ZNF536: variants seen among roughly 807,000 people sequenced by gnomAD.
ZNF536 encodes the protein zinc finger protein 536.
Under a neutral mutation model 84.5 loss-of-function variants are expected in ZNF536, and 13 were observed. The ratio of observed to expected loss-of-function variants is 0.15; its 90% confidence interval spans 0.10 to 0.24. The LOEUF is 0.24. Among genes scored for constraint, ZNF536 ranks in the 10% least tolerant of loss-of-function variants. ZNF536 has a pLI of 1.00. For missense variants in ZNF536, 1,536 were observed against 1,747.5 expected (o/e 0.88, Z 2.16); for synonymous variants, 811 against 742.5 (o/e 1.09, Z -1.50).
chr19:30,448,632 A>AT (rs1470906960), intron 2 of ZNF536, among the ~76,000 whole-genome samples: 3 of 152,134 alleles, frequency 2.0e-5, no homozygotes, highest in Admixed American at 2.0e-4. Flanking sequence ...CTGAGAAACT[A>AT]TTTTTTCAGA....
At chr19:30,407,015 G>A (rs1433919668) in intron 1 of ZNF536, among the ~76,000 whole-genome samples, 3 of 152,114 alleles carry the variant, frequency 2.0e-5, no homozygotes, top group Non-Finnish European at 4.4e-5. Flanking sequence ...TAATGAGGGG[G>A]GATTTTGCTT....
At chr19:30,635,153 G>A (rs2049023414) in intron 1 of ZNF536, among the ~76,000 whole-genome samples, 1 of 152,090 alleles carries the variant, frequency 6.6e-6, no homozygotes, top group Admixed American at 6.5e-5. Context: ...CATTCGGCTG[G>A]TGTCCTTGTC....
chr19:30,454,358 G>T lies in ZNF536; in HGVS notation c.2170+8626G>T, dbSNP rs974609182. 3.3e-5 allele frequency among the ~76,000 whole-genome samples: 5 copies of T among 152,250 alleles called. No individual in the cohort carries two copies. The East Asian group carries it at 9.7e-4, about 29-fold the overall frequency. ...TCCAGAAACTCTTAGCACAGTGGTG[G>T]TCATCGTGGCTTTTGGACACTCTCA... On this transcript the variant is annotated intron_variant, in intron 2 of 4. Transcript: ENST00000355537.
chr19:30,468,898 T>C (rs918393206), intron 2 of ZNF536, among the ~76,000 whole-genome samples: 18 of 151,960 alleles, frequency 1.2e-4, no homozygotes, highest in African/African-American at 4.1e-4. Flanking sequence ...GCTCATCCCA[T>C]TCCCACCTGA....
chr19:30,613,428 G>A (rs1247956946), intron 1 of ZNF536, among the ~76,000 whole-genome samples: 1 of 152,072 alleles, frequency 6.6e-6, no homozygotes, highest in African/African-American at 2.4e-5. Context: ...AAATTCTTCT[G>A]TAAAGAAAAG....
intron 1 of ZNF536, among the ~76,000 whole-genome samples, chr19:30,661,920 G>A (rs1487601805): frequency 6.6e-6 from 1 of 151,540 alleles, no homozygotes; most frequent in African/African-American, 2.4e-5. Flanking sequence ...TTTTTTTCTA[G>A]ATATGGAGAT....
At chr19:30,255,961 G>A (rs1032231535) in intron 1 of ZNF536, among the ~76,000 whole-genome samples, 2 of 152,212 alleles carry the variant, frequency 1.3e-5, no homozygotes, top group Non-Finnish European at 2.9e-5. Context: ...CATTGGGCTG[G>A]GGGGAGAGTG....
chr19:30,605,071 T>C (rs955220248), intron 1 of ZNF536, among the ~76,000 whole-genome samples: 6 of 152,214 alleles, frequency 3.9e-5, no homozygotes, highest in African/African-American at 1.4e-4. Context: ...ATCCCCATTT[T>C]ACAGATGGGA....
intron 1 of ZNF536, among the ~76,000 whole-genome samples, chr19:30,672,045 A>G (rs1032778638): frequency 6.6e-6 from 1 of 152,244 alleles, no homozygotes; most frequent in Non-Finnish European, 1.5e-5. Flanking sequence ...GGGGCCGTCC[A>G]GGCCTTCACT....
At chr19:30,307,380 G>A (rs1363370034) in intron 2 of ZNF536, among the ~76,000 whole-genome samples, 1 of 107,730 alleles carries the variant, frequency 9.3e-6, no homozygotes, top group African/African-American at 3.7e-5. Flanking sequence ...CAGGGCCAGA[G>A]GACGTGCAAA....
rs140521213 is a variant in ZNF536 at position 30,431,826 on chromosome 19, C to T, written c.-2-11735C>T. 5.5e-3 allele frequency among the ~76,000 whole-genome samples: 839 copies of T among 152,152 alleles called. 4 individuals carry two copies. The highest frequency in any genetic ancestry group is 9.5e-3 in the African/African-American group (395 of 41,518). On this transcript the variant is annotated intron_variant, in intron 1 of 4. Transcript: ENST00000355537. ...CTGAGGCTGGTGCCAGGAGCCAAGG[C>T]GGGTTAATAGGGGATTAAATGTCTA...
chr19:30,573,239 T>G (rs1446044847), intron 1 of ZNF536, among the ~76,000 whole-genome samples: 1 of 152,216 alleles, frequency 6.6e-6, no homozygotes, highest in Non-Finnish European at 1.5e-5. Flanking sequence ...GACTTGGGGC[T>G]GTTTTTCCCA....
chr19:30,520,880 G>A (rs2044292851), intron 2 of ZNF536, among the ~76,000 whole-genome samples: 2 of 152,232 alleles, frequency 1.3e-5, no homozygotes, highest in African/African-American at 2.4e-5. Flanking sequence ...GAGGCTGGGC[G>A]AAGGTAGGAG....
chr19:30,474,312 T>TC (rs2144696307), intron 2 of ZNF536, among the ~76,000 whole-genome samples: 1 of 149,950 alleles, frequency 6.7e-6, no homozygotes, highest in South Asian at 2.2e-4. Context: ...ATAAACCCTC[T>TC]TTCTCTCTCT....
In ZNF536 at chr19:30,548,898, C is replaced by A. The variant is rs147863190; in HGVS notation, c.3279C>A (p.Ser1093Arg). The change falls in exon 4 of 5, where the codon AGC becomes AGA. Residue 1093 changes from serine (S) to arginine (R), a missense_variant. Ser to Arg is a moderately radical substitution (Grantham distance 110). This residue lies in a region of ZNF536 where 624 missense variants were observed against 603.1 expected (regional missense o/e 1.03). Transcript: ENST00000355537. ...QLKETLGEQK[S>R]GAWTGHVDPA... ...AGGAGACTCTGGGAGAGCAGAAGAGCGGTGCATGGACCGGCCACGTGGACC... is the reference window on the plus strand; with the variant it reads ...AGGAGACTCTGGGAGAGCAGAAGAGAGGTGCATGGACCGGCCACGTGGACC... 16 of 1,614,028 alleles carry A rather than the reference C, an allele frequency of 9.9e-6. No individual in the cohort carries two copies. Among genetic ancestry groups the A allele is most frequent in the Non-Finnish European group, 1.4e-5 (16 of 1,180,036 alleles).
At chr19:30,289,554 A>G (rs925504621) in intron 2 of ZNF536, among the ~76,000 whole-genome samples, 2 of 152,216 alleles carry the variant, frequency 1.3e-5, no homozygotes, top group Admixed American at 6.5e-5. Context: ...CTGGATGGCC[A>G]CACATGGGAT....
intron 1 of ZNF536, among the ~76,000 whole-genome samples, chr19:30,389,165 C>T (rs976033865): frequency 2.0e-5 from 3 of 152,218 alleles, no homozygotes; most frequent in African/African-American, 4.8e-5. Context: ...ACACGTTCCA[C>T]GTGCCTCCAC....
chr19:30,284,772 T>G (rs576883562), intron 2 of ZNF536, among the ~76,000 whole-genome samples: 26 of 152,340 alleles, frequency 1.7e-4, no homozygotes, highest in African/African-American at 4.6e-4. Flanking sequence ...CCAGCCCACC[T>G]TCTCCTGACC....
intron 1 of ZNF536, among the ~76,000 whole-genome samples, chr19:30,661,959 C>G (rs1387358657): frequency 6.6e-6 from 1 of 152,078 alleles, no homozygotes; most frequent in African/African-American, 2.4e-5. Flanking sequence ...GTTCTTTGTG[C>G]TTTTCGTTAT....
Sources: allele counts gnomAD v4.1 joint callset (sites outside exome capture counted in the v4.1 genomes callset), GRCh38; gene constraint gnomAD v4.1.1; regional missense constraint gnomAD v4.1.1; transcripts MANE v1.5; gene names NCBI Gene and HGNC (gene_info 2026-07-23, HGNC 2026-07-21).